Variants in RGS12 observed in about 807,000 individuals in gnomAD.
The protein encoded by RGS12 is regulator of G protein signaling 12.
RGS12 carries 66 observed loss-of-function variants against 120.1 expected under a neutral mutation model. That is an observed-to-expected ratio of 0.55 (90% CI 0.45 to 0.67). The LOEUF (loss-of-function observed/expected upper bound fraction) is 0.67. Ranked by LOEUF, RGS12 falls within the 30% of genes least tolerant of loss-of-function variation. The pLI, the probability that RGS12 is intolerant of heterozygous loss-of-function variation, is 0.00. For synonymous variants in RGS12, 827 were observed against 804.7 expected (o/e 1.03, Z -0.47); for missense variants, 1,859 against 1,957.7 (o/e 0.95, Z 0.95).
chr4:3,362,739 G>GTGTGAGGGTGTGTGTGAAGA (rs900951791), intron 3 of RGS12, among the ~76,000 whole-genome samples: 1 of 126,136 alleles, frequency 7.9e-6, no homozygotes, highest in Non-Finnish European at 1.7e-5. Context: ...GAGGATGTCT[G>GTGTGAGGGTGTGTGTGAAGA]TGTGAGGGTG....
At chr4:3,427,266 G>A (rs1336926090) in intron 14 of RGS12, among the ~76,000 whole-genome samples, 1 of 152,226 alleles carries the variant, frequency 6.6e-6, no homozygotes, top group African/African-American at 2.4e-5. Context: ...CTCGGGGCTT[G>A]TTTGTGTACA....
chr4:3,391,659 C>G (rs1266164810), intron 4 of RGS12, among the ~76,000 whole-genome samples: 1 of 152,170 alleles, frequency 6.6e-6, no homozygotes, highest in Non-Finnish European at 1.5e-5. Flanking sequence ...CAACCCTAGG[C>G]GTGAGAAGCA....
chr4:3,434,473 T>G (rs1017909587), intron 17 of RGS12, among the ~76,000 whole-genome samples: 2 of 152,148 alleles, frequency 1.3e-5, no homozygotes. Context: ...GCACCTGCCA[T>G]GTGTCTGCAT....
intron 15 of RGS12, 36 bp downstream of exon 15, chr4:3,428,205 C>G (rs370177098): frequency 1.3e-6 from 2 of 1,578,454 alleles, no homozygotes; most frequent in Non-Finnish European, 1.7e-6. Context: ...GTGCCCTGCT[C>G]CTCTCGCTGT....
At chr4:3,434,539 T>A (rs969264778) in intron 17 of RGS12, among the ~76,000 whole-genome samples, 1 of 152,198 alleles carries the variant, frequency 6.6e-6, no homozygotes, top group South Asian at 2.1e-4. Flanking sequence ...AATGCTCACC[T>A]TCTGTTCTCG....
chr4:3,386,868 A>G (rs1407458398), intron 4 of RGS12, among the ~76,000 whole-genome samples: 2 of 152,236 alleles, frequency 1.3e-5, no homozygotes, highest in Admixed American at 1.3e-4. Context: ...GAAAAGTATA[A>G]TAGACGAATT....
At chr4:3,406,815 G>A (rs1721183735) in intron 4 of RGS12, among the ~76,000 whole-genome samples, 1 of 152,216 alleles carries the variant, frequency 6.6e-6, no homozygotes, top group East Asian at 1.9e-4. Flanking sequence ...GTGGTGGGCA[G>A]GCCGCCTCCA....
At chr4:3,417,706 C>T (rs1225920127) in intron 9 of RGS12, 165 bp downstream of exon 9, 1 of 699,692 alleles carries the variant, frequency 1.4e-6, no homozygotes, top group Non-Finnish European at 2.3e-6. Flanking sequence ...GCCGCTGTGT[C>T]TGGGGACACG....
intron 2 of RGS12, among the ~76,000 whole-genome samples, chr4:3,335,665 G>A (rs182186350): frequency 7.2e-4 from 110 of 152,284 alleles, no homozygotes; most frequent in Non-Finnish European, 1.5e-4. Flanking sequence ...CAATGGATGG[G>A]CTGGGTGCCA....
chr4:3,342,025 C>T (rs1018736892), intron 2 of RGS12, among the ~76,000 whole-genome samples: 4 of 149,260 alleles, frequency 2.7e-5, no homozygotes, highest in African/African-American at 7.4e-5. Flanking sequence ...AGGGGAGAGG[C>T]GGGAGGGTGG....
At chr4:3,324,741 TG>T (rs1360552279) in intron 2 of RGS12, 1 of 152,336 alleles carries the variant, frequency 6.6e-6, no homozygotes, top group Non-Finnish European at 1.5e-5. Flanking sequence ...TCCTTCCCTT[TG>T]GCCTTCTTCC....
intron 2 of RGS12, among the ~76,000 whole-genome samples, chr4:3,326,862 A>G (rs545815157): frequency 6.6e-6 from 1 of 152,356 alleles, no homozygotes; most frequent in African/African-American, 2.4e-5. Flanking sequence ...GGAATAATTA[A>G]TATCATTAAA....
chr4:3,348,143 G>A (rs941658765), intron 3 of RGS12, among the ~76,000 whole-genome samples: 1 of 152,108 alleles, frequency 6.6e-6, no homozygotes, highest in African/African-American at 2.4e-5. Context: ...TATATCTTGG[G>A]GAAGCCCATC....
intron 17 of RGS12, 98 bp downstream of exon 17, chr4:3,431,053 G>C: frequency 2.0e-6 from 3 of 1,502,088 alleles, no homozygotes; most frequent in Non-Finnish European, 8.8e-7. Context: ...GCCACTGTTT[G>C]CTGGTGGTCT....
intron 1 of RGS12, among the ~76,000 whole-genome samples, chr4:3,313,555 AAC>A (rs1724543991): frequency 6.6e-6 from 1 of 152,212 alleles, no homozygotes; most frequent in Admixed American, 6.5e-5. Context: ...GGCTTAAGAC[AAC>A]ACACATTCAT....
Position 3,394,936 on chromosome 4 carries a change from A to G in RGS12, c.2020+8499A>G, listed in dbSNP as rs185863308. Among the ~76,000 whole-genome samples, 7 of 152,302 alleles carry G rather than the reference A, an allele frequency of 4.6e-5. No homozygotes were observed. In the East Asian group the frequency reaches 1.3e-3, roughly 29 times the overall value. ...GTAATCCCAGCACTTTGGGAGGCCG[A>G]GACAGGTGGATTCCTTGAGGCCAAG... On this transcript the variant is annotated intron_variant, in intron 4 of 17. Coordinates refer to ENST00000336727, the MANE Select transcript of RGS12 (RefSeq NM_001394154.1).
At chr4:3,309,132 G>T (rs1354494941) in intron 1 of RGS12, among the ~76,000 whole-genome samples, 563 of 50,684 alleles carry the variant, frequency 0.011, no homozygotes, top group African/African-American at 0.036. Context: ...GCTGGGACTC[G>T]GGAATGGCAG....
chr4:3,423,028 G>A (rs780228212), intron 12 of RGS12, 50 bp downstream of exon 12: 21 of 1,460,892 alleles, frequency 1.4e-5, no homozygotes, highest in African/African-American at 7.0e-5. Flanking sequence ...AGCCAACCCC[G>A]TGTGCCCACC....
Position 3,316,828 on chromosome 4 carries a change from G to T in RGS12, c.658G>T (p.Ala220Ser). 3 of 1,614,138 alleles carry T rather than the reference G, an allele frequency of 1.9e-6. No individual in the cohort carries two copies. Among genetic ancestry groups the T allele is most frequent in the African/African-American group, 2.7e-5 (2 of 75,054 alleles). ...SIGLESHDDF[A>S]LDASILNVAM... ...TGGACTAGAAAGTCATGACGATTTT[G>T]CATTGGATGCAAGTATTTTAAACGT... The change falls in exon 2 of 18, where the codon GCA becomes TCA. Residue 220 changes from alanine to serine, a missense_variant. Physicochemically the swap from Ala to Ser is moderately conservative, Grantham distance 99 (BLOSUM62 1). Around this residue, in one of 3 missense-constraint regions of RGS12, gnomAD observed 967 missense variants for 994.2 expected, o/e 0.97. Transcript: ENST00000336727.
Sources: gnomAD v4.1 joint callset for allele counts (sites outside exome capture counted in the v4.1 genomes callset) on GRCh38, gnomAD v4.1.1 for gene constraint, gnomAD v4.1.1 regional missense constraint, MANE v1.5 for transcripts, NCBI Gene and HGNC (gene_info 2026-07-23, HGNC 2026-07-21) for gene names.